Variants in TNFRSF8 observed in about 807,000 individuals in gnomAD.
TNFRSF8 encodes the protein TNF receptor superfamily member 8.
A neutral mutation model predicts 70.8 loss-of-function variants in TNFRSF8; 26 were observed. The ratio of observed to expected loss-of-function variants is 0.37; its 90% confidence interval spans 0.27 to 0.51. The LOEUF is 0.51. Ranked by LOEUF, TNFRSF8 falls within the 20% of genes least tolerant of loss-of-function variation. The pLI is 0.94. For synonymous variants in TNFRSF8, 356 were observed against 339.2 expected (o/e 1.05, Z -0.54); for missense variants, 720 against 807.9 (o/e 0.89, Z 1.32).
intron 7 of TNFRSF8, 83 bp from the exon 8 acceptor site, chr1:12,115,494 T>C: frequency 1.4e-6 from 2 of 1,480,174 alleles, no homozygotes; most frequent in Non-Finnish European, 1.9e-6. Context: ...GGACAACTGC[T>C]TCTCTGTCTT....
In TNFRSF8 at chr1:12,141,045, TCTC is replaced by T. The variant is rs1379341427; in HGVS notation, c.1544-1238_1544-1236del. Among the ~76,000 whole-genome samples the T allele has an allele frequency of 5.9e-5, 9 of 152,332 alleles. No individual in the cohort carries two copies. In the South Asian group the frequency reaches 6.2e-4, roughly 11 times the overall value. Reference sequence around the variant, plus strand: ...ATAGCCTGTCCCGCACTCTGGGCCTTCTCCTCTTGCTGCCGTTTGGCGCACTTC... The same window carrying T: ...ATAGCCTGTCCCGCACTCTGGGCCTTCTCTTGCTGCCGTTTGGCGCACTTC... On this transcript the variant is annotated intron_variant, in intron 14 of 14. Transcript: ENST00000263932. This position sits in a 1 kb window ranked among gnomAD's most constrained non-coding sequence, Gnocchi z 5.4.
chr1:12,091,254 C>T (rs957907577), intron 2 of TNFRSF8, among the ~76,000 whole-genome samples: 2 of 152,164 alleles, frequency 1.3e-5, no homozygotes, highest in African/African-American at 2.4e-5. Flanking sequence ...TTGGTGATGC[C>T]TGGAAACACC....
At chr1:12,139,563 C>T (rs1228174688) in intron 14 of TNFRSF8, among the ~76,000 whole-genome samples, 5 of 152,210 alleles carry the variant, frequency 3.3e-5, no homozygotes, top group Non-Finnish European at 7.3e-5. Context: ...TATAGCCTTC[C>T]TCCACCTCCA....
At position 12,109,962 on chromosome 1, in the gene TNFRSF8, G is replaced by A; in HGVS notation, c.513-79G>A. 1.3e-6 allele frequency: 2 copies of A among 1,523,966 alleles called. No homozygotes were observed. The highest frequency in any genetic ancestry group is 1.8e-6 in the Non-Finnish European group (2 of 1,123,262). 94.4% of individuals were successfully genotyped at this position (1,523,966 alleles called of 1,614,324 possible). ...CAAGGGCCTGGGACCCCATCTCTGT[G>A]GAAACTGTTACTCGTGAGCACAGGC... On this transcript the variant is annotated intron_variant, in intron 5 of 14. Transcript: ENST00000263932. This position sits in a 1 kb window ranked among gnomAD's most constrained non-coding sequence, Gnocchi z 4.4.
intron 2 of TNFRSF8, among the ~76,000 whole-genome samples, chr1:12,089,096 C>T (rs552574908): frequency 2.0e-5 from 3 of 151,694 alleles, no homozygotes; most frequent in East Asian, 1.9e-4. Flanking sequence ...GATTCTATCT[C>T]GAAAAAAAAG....
At chr1:12,086,010 A>G (rs1641147032) in intron 2 of TNFRSF8, among the ~76,000 whole-genome samples, 1 of 152,160 alleles carries the variant, frequency 6.6e-6, no homozygotes, top group African/African-American at 2.4e-5. Flanking sequence ...TGCTTTGAGG[A>G]CAGCAGGCCA....
Position 12,063,618 on chromosome 1 carries a change from C to T in TNFRSF8, c.20C>T (p.Ala7Val). 1 of 1,301,102 alleles carries T rather than the reference C, an allele frequency of 7.7e-7. No homozygotes were observed. The highest frequency in any genetic ancestry group is 9.8e-7 in the Non-Finnish European group (1 of 1,015,646). 80.6% of individuals were successfully genotyped at this position (1,301,102 alleles called of 1,614,324 possible). MRVLLA[A>V]LGLLFLGALR... ...CCGGGGATGCGCGTCCTCCTCGCCG[C>T]GCTGGGACTGCTGTTCCTGGGGGCG... Residue 7 changes from alanine to valine, a missense_variant, in exon 1 of 15, where the codon GCG (alanine) becomes GTG (valine). Coordinates refer to ENST00000263932, the MANE Select transcript of TNFRSF8 (RefSeq NM_001243.5). This position sits in a 1 kb window ranked among gnomAD's most constrained non-coding sequence, Gnocchi z 7.2.
At chr1:12,117,222 A>G (rs1483776496) in intron 8 of TNFRSF8, among the ~76,000 whole-genome samples, 1 of 152,056 alleles carries the variant, frequency 6.6e-6, no homozygotes, top group Non-Finnish European at 1.5e-5. Flanking sequence ...AGCTGGGATT[A>G]CAGGTGCCCG....
At chr1:12,092,935 A>G (rs1444144612) in intron 2 of TNFRSF8, among the ~76,000 whole-genome samples, 4 of 152,018 alleles carry the variant, frequency 2.6e-5, no homozygotes, top group African/African-American at 9.7e-5. Context: ...CCTCCCGAGT[A>G]GCTGGGATTA....
intron 1 of TNFRSF8, among the ~76,000 whole-genome samples, chr1:12,075,437 C>T (rs1022943576): frequency 5.9e-5 from 9 of 152,014 alleles, no homozygotes; most frequent in Non-Finnish European, 1.0e-4. Context: ...TTTGATGAAA[C>T]GCTGTTTGGG....
intron 12 of TNFRSF8, among the ~76,000 whole-genome samples, chr1:12,130,765 C>T (rs1413469831): frequency 6.6e-6 from 1 of 152,198 alleles, no homozygotes; most frequent in African/African-American, 2.4e-5. Flanking sequence ...GACTTGTGTC[C>T]CTGGGGGTAC....
At chr1:12,067,903 C>CGGG (rs142444137) in intron 1 of TNFRSF8, among the ~76,000 whole-genome samples, 7 of 69,166 alleles carry the variant, frequency 1.0e-4, no homozygotes, top group Admixed American at 3.9e-4. Context: ...GGCGGGGGGG[C>CGGG]GGGGGGGGGA....
At chr1:12,086,148 C>T (rs558433314) in intron 2 of TNFRSF8, among the ~76,000 whole-genome samples, 149 of 152,224 alleles carry the variant, frequency 9.8e-4, no homozygotes, top group African/African-American at 3.3e-3. Context: ...TGGAGCTGCG[C>T]GGGAACCCAG....
intron 10 of TNFRSF8, among the ~76,000 whole-genome samples, chr1:12,125,248 G>A (rs1010912580): frequency 2.0e-5 from 3 of 152,236 alleles, no homozygotes; most frequent in Admixed American, 2.0e-4. Flanking sequence ...AACGAAGCGA[G>A]TTTAGTACCG....
chr1:12,109,740 C>G lies in TNFRSF8; in HGVS notation c.512+84C>G. The G allele has an allele frequency of 8.3e-7, 1 of 1,211,896 alleles. No homozygotes were observed. The highest frequency in any genetic ancestry group is 1.2e-6 in the Non-Finnish European group (1 of 831,704). 75.1% of individuals were successfully genotyped at this position (1,211,896 alleles called of 1,614,324 possible). A position where few individuals can be genotyped will look rare whatever the true frequency, so the allele number is the denominator to read the frequency against. On this transcript the variant is annotated intron_variant, in intron 5 of 14. Coordinates refer to ENST00000263932, the MANE Select transcript of TNFRSF8 (RefSeq NM_001243.5). The surrounding 1 kb of genome is among the most constrained non-coding windows in gnomAD (Gnocchi z 4.4). Reference sequence around the variant, plus strand: ...CCCACCCCACAGGACGCCCATGGTACAACTGGGCTGGGGGTGTAAGCGGGA... The same window carrying G: ...CCCACCCCACAGGACGCCCATGGTAGAACTGGGCTGGGGGTGTAAGCGGGA...
intron 1 of TNFRSF8, among the ~76,000 whole-genome samples, chr1:12,079,937 T>C (rs1641033860): frequency 6.7e-6 from 1 of 148,180 alleles, no homozygotes; most frequent in Non-Finnish European, 1.5e-5. Flanking sequence ...CTACTTTATT[T>C]TTTAATTCTC....
At position 12,063,337 on chromosome 1, in the gene TNFRSF8, T is replaced by C. The variant is rs1168616459; in HGVS notation, c.-262T>C. On this transcript the variant is annotated 5_prime_UTR_variant, in exon 1 of 15. Coordinates refer to ENST00000263932, the MANE Select transcript of TNFRSF8 (RefSeq NM_001243.5). This position sits in a 1 kb window ranked among gnomAD's most constrained non-coding sequence, Gnocchi z 7.2. ...CTCTGCACGTGTTTGCCCCCTTTTTTCTTCGCTGCTTGTAGCTAAGTGTTC... is the reference window on the plus strand; with the variant it reads ...CTCTGCACGTGTTTGCCCCCTTTTTCCTTCGCTGCTTGTAGCTAAGTGTTC... 2.6e-6 allele frequency: 1 copy of C among 379,152 alleles called. No homozygotes were observed. Among genetic ancestry groups the C allele is most frequent in the Non-Finnish European group, 4.7e-6 (1 of 213,880 alleles). 23.5% of individuals were successfully genotyped at this position (379,152 alleles called of 1,614,324 possible).
rs181473689 is a variant in TNFRSF8, at chr1:12,101,172, C to T, written c.269-3207C>T. On this transcript the variant is annotated intron_variant, in intron 3 of 14. Coordinates refer to ENST00000263932, the MANE Select transcript of TNFRSF8 (RefSeq NM_001243.5). Reference sequence around the variant, plus strand: ...CGGCTTGGTGGCTGATGCCTGCAGTCTCAGCACTTAGGGAGGCCAGGCTGG... The same window carrying T: ...CGGCTTGGTGGCTGATGCCTGCAGTTTCAGCACTTAGGGAGGCCAGGCTGG... Among the ~76,000 whole-genome samples, 17 of 152,262 alleles carry T rather than the reference C, an allele frequency of 1.1e-4. No homozygotes were observed. The East Asian group carries it at 3.1e-3, about 28-fold the overall frequency.
chr1:12,102,531 T>A (rs954750959), intron 3 of TNFRSF8, among the ~76,000 whole-genome samples: 1 of 152,198 alleles, frequency 6.6e-6, no homozygotes, highest in African/African-American at 2.4e-5. Context: ...TTTTGTTTTG[T>A]TTTGTTTTGT....
Sources: gnomAD v4.1 joint callset for allele counts (sites outside exome capture counted in the v4.1 genomes callset) on GRCh38, gnomAD v4.1.1 for gene constraint, Gnocchi (gnomAD v3.1) non-coding constraint, MANE v1.5 for transcripts, NCBI Gene and HGNC (gene_info 2026-07-23, HGNC 2026-07-21) for gene names.